Variants in CASK observed in about 807,000 individuals in gnomAD.
The protein encoded by CASK is peripheral plasma membrane protein CASK.
In CASK, 4 loss-of-function variants were observed where a neutral mutation model predicts 82.9. That is an observed-to-expected ratio of 0.05 (90% CI 0.02 to 0.11). The LOEUF is 0.11. Among genes scored for constraint, CASK ranks in the 10% least tolerant of loss-of-function variants. The probability of loss-of-function intolerance (pLI) is 1.00; values close to 1 mark genes in which losing one functional copy is unlikely to be tolerated. For missense variants in CASK, 358 were observed against 720.9 expected (o/e 0.50, Z 5.76); for synonymous variants, 259 against 253.5 (o/e 1.02, Z -0.20).
chrX:41,545,741 T>C (rs2065013448), intron 21 of CASK, among the ~76,000 whole-genome samples: 1 of 111,594 alleles, frequency 9.0e-6, no homozygotes, highest in Admixed American at 9.5e-5. Context: ...TAGACATCCC[T>C]GCAATATTGA....
chrX:41,749,038 G>A (rs1475734479), intron 3 of CASK, among the ~76,000 whole-genome samples: 2 of 111,278 alleles, frequency 1.8e-5, no homozygotes, highest in Non-Finnish European at 3.8e-5. Context: ...TAATCTCAGC[G>A]CTTTGGGAGG....
chrX:41,904,342 A>G (rs979937909), intron 1 of CASK, among the ~76,000 whole-genome samples: 1 of 112,043 alleles, frequency 8.9e-6, no homozygotes, highest in African/African-American at 3.2e-5. Context: ...GTTGCAGGAC[A>G]TAAGAGTAAC....
rs1602644561 is a variant in CASK at position 41,801,272 on chromosome X, T to C, written c.173-13989A>G. 3.6e-5 allele frequency among the ~76,000 whole-genome samples: 4 copies of C among 112,021 alleles called. 1 individual carries two copies. The Admixed American group carries it at 3.8e-4, about 11-fold the overall frequency. ...CTAATTCCTGTGAGATATGGGTCTC[T>C]GATGGTCAACTTTGGCTCAAGGACT... On this transcript the variant is annotated intron_variant, in intron 2 of 26. Coordinates refer to ENST00000378163, the MANE Select transcript of CASK (RefSeq NM_001367721.1).
At chrX:41,854,224 GCACACACACACACACACACACACACACA>G (rs4007745) in intron 1 of CASK, among the ~76,000 whole-genome samples, 1 of 81,718 alleles carries the variant, frequency 1.2e-5, no homozygotes, top group Non-Finnish European at 2.3e-5. Flanking sequence ...GCGGGCGCGC[GCACACACACACACACACACACACACACA>G]CACACACACA....
intron 2 of CASK, among the ~76,000 whole-genome samples, chrX:41,830,737 G>T (rs1271179461): frequency 1.9e-5 from 2 of 104,347 alleles, no homozygotes; most frequent in Non-Finnish European, 2.0e-5. Context: ...GGAGTATGGC[G>T]TGAACCCAGG....
intron 2 of CASK, among the ~76,000 whole-genome samples, chrX:41,809,898 C>T (rs898750766): frequency 1.1e-4 from 12 of 112,046 alleles, no homozygotes; most frequent in African/African-American, 3.2e-4. Flanking sequence ...CCTTAAATGA[C>T]CTGATGGAGC....
Position 41,738,861 on chromosome X carries a change from G to A in CASK, c.429+523C>T, listed in dbSNP as rs185826658. Among the ~76,000 whole-genome samples the A allele has an allele frequency of 1.2e-3, 138 of 111,512 alleles. 2 individuals carry two copies. The highest frequency in any genetic ancestry group is 4.4e-3 in the African/African-American group (135 of 30,707). On this transcript the variant is annotated intron_variant, in intron 5 of 26. Coordinates refer to ENST00000378163, the MANE Select transcript of CASK (RefSeq NM_001367721.1). ...TGAGAGTTCTCATTAACCCGATACT[G>A]GGATGAAATAGGCAGAAAGACTGAA...
intron 1 of CASK, among the ~76,000 whole-genome samples, chrX:41,881,191 C>T (rs1284393888): frequency 1.8e-5 from 2 of 111,529 alleles, no homozygotes; most frequent in African/African-American, 6.5e-5. Context: ...TCCCCTCAGA[C>T]CAAGTTAAGC....
intron 2 of CASK, among the ~76,000 whole-genome samples, chrX:41,834,290 C>T (rs2070888097): frequency 9.0e-6 from 1 of 110,498 alleles, no homozygotes. Flanking sequence ...GGAGGAAGGA[C>T]AATAGTAAAA....
intron 2 of CASK, among the ~76,000 whole-genome samples, chrX:41,834,465 T>G (rs2070892387): frequency 8.9e-6 from 1 of 112,165 alleles, no homozygotes; most frequent in South Asian, 3.7e-4. Context: ...TATAGAAGTT[T>G]TTGTGAACAA....
At chrX:41,731,770 T>C (rs1460203931) in intron 5 of CASK, among the ~76,000 whole-genome samples, 1 of 110,430 alleles carries the variant, frequency 9.1e-6, no homozygotes, top group Non-Finnish European at 1.9e-5. Flanking sequence ...ACTTAAAATA[T>C]CACTTCTGTT....
At chrX:41,648,293 A>T (rs2066798513) in intron 8 of CASK, among the ~76,000 whole-genome samples, 1 of 111,489 alleles carries the variant, frequency 9.0e-6, no homozygotes, top group Non-Finnish European at 1.9e-5. Context: ...GATTTTAGTC[A>T]GACCAGTTGA....
Position 41,922,942 on chromosome X carries a change from T to G in CASK, c.47A>C (p.Glu16Ala). ...CGTGGAGACTCACTTTCCGATCACC[T>G]CGCACAGCTCGTACACATCCTCGAA... ...VLFEDVYELCEVIGKGPFSVV... is the reference protein window; with the variant it reads ...VLFEDVYELCAVIGKGPFSVV... The change falls in exon 1 of 27, where the codon GAG (glutamate) becomes GCG (alanine). Residue 16 changes from glutamate (E) to alanine (A), a missense_variant. By Grantham distance (107) the Glu-to-Ala change is moderately radical. Coordinates refer to ENST00000378163, the MANE Select transcript of CASK (RefSeq NM_001367721.1). The G allele has an allele frequency of 1.7e-6, 2 of 1,210,133 alleles. No individual in the cohort carries two copies. Among genetic ancestry groups the G allele is most frequent in the Non-Finnish European group, 2.2e-6 (2 of 894,476 alleles).
At chrX:41,755,528 T>A (rs2068878329) in intron 3 of CASK, among the ~76,000 whole-genome samples, 1 of 112,162 alleles carries the variant, frequency 8.9e-6, no homozygotes, top group African/African-American at 3.2e-5. Context: ...CTTAAAACTA[T>A]GTATTTGTGA....
intron 16 of CASK, among the ~76,000 whole-genome samples, chrX:41,564,593 C>T (rs967385328): frequency 9.0e-6 from 1 of 111,405 alleles, no homozygotes; most frequent in Non-Finnish European, 1.9e-5. Flanking sequence ...GAAAGACTGC[C>T]GGTCCTAGCC....
chrX:41,808,629 C>T (rs1273460180), intron 2 of CASK, among the ~76,000 whole-genome samples: 1 of 112,260 alleles, frequency 8.9e-6, no homozygotes, highest in African/African-American at 3.2e-5. Flanking sequence ...CTCCAGTCCA[C>T]AGCTCCCAGC....
In CASK at chrX:41,829,700, T is replaced by G. The variant is rs1298879733; in HGVS notation, c.172+23415A>C. ...GATGCAAATGCTAGGTCACAAGATA[T>G]ATATATATATATATATATATATATA... On this transcript the variant is annotated intron_variant, in intron 2 of 26. Transcript: ENST00000378163. 0.025 allele frequency among the ~76,000 whole-genome samples: 41 copies of G among 1,625 alleles called. 1 individual carries two copies. The East Asian group carries it at 0.32, about 13-fold the overall frequency. 1.4% of individuals were successfully genotyped at this position (1,625 alleles called of 115,157 possible).
chrX:41,858,590 C>T (rs1405733050), intron 1 of CASK, among the ~76,000 whole-genome samples: 5 of 111,467 alleles, frequency 4.5e-5, no homozygotes, highest in Non-Finnish European at 7.5e-5. Flanking sequence ...CCCCTTGTCT[C>T]GGGATTTATT....
intron 14 of CASK, chrX:41,586,377 C>G (rs1020604270): frequency 2.7e-5 from 3 of 112,027 alleles, no homozygotes; most frequent in African/African-American, 9.8e-5. Flanking sequence ...AAGCATGGAC[C>G]TTTTTCCACA....
Sources: gnomAD v4.1 joint callset for allele counts (sites outside exome capture counted in the v4.1 genomes callset) on GRCh38, gnomAD v4.1.1 for gene constraint, MANE v1.5 for transcripts, NCBI Gene and HGNC (gene_info 2026-07-23, HGNC 2026-07-21) for gene names.